The following DNAH8 variants were observed in gnomAD, a reference collection of about 807,000 sequenced individuals.
The protein encoded by DNAH8 is dynein axonemal heavy chain 8.
In DNAH8, 382 loss-of-function variants were observed where a neutral mutation model predicts 562.1. That is an observed-to-expected ratio of 0.68 (90% CI 0.63 to 0.74). DNAH8 has a LOEUF of 0.74. Ranked by LOEUF, DNAH8 falls within the 30% of genes least tolerant of loss-of-function variation. The pLI is 0.00. For synonymous variants in DNAH8, 1,881 were observed against 1,919.4 expected (o/e 0.98, Z 0.52); for missense variants, 5,203 against 5,620.4 (o/e 0.93, Z 2.37).
chr6:38,852,299 G>A (rs535086196), intron 39 of DNAH8, among the ~76,000 whole-genome samples: 4 of 152,214 alleles, frequency 2.6e-5, no homozygotes, highest in African/African-American at 9.6e-5. Flanking sequence ...TGGTTTCCAG[G>A]GACTTGTAAC....
At chr6:38,962,140 GT>G (rs1272231156) in intron 82 of DNAH8, among the ~76,000 whole-genome samples, 2 of 151,962 alleles carry the variant, frequency 1.3e-5, no homozygotes, top group African/African-American at 2.4e-5. Context: ...AGACATAAAA[GT>G]AGTTAGAATA....
chr6:38,718,766 C>T (rs971650121), intron 1 of DNAH8, among the ~76,000 whole-genome samples: 1 of 152,186 alleles, frequency 6.6e-6, no homozygotes, highest in Admixed American at 6.5e-5. Context: ...TGTATAAAAA[C>T]CACATTTATT....
At chr6:38,931,073 C>T (rs533467407) in intron 75 of DNAH8, among the ~76,000 whole-genome samples, 4 of 151,990 alleles carry the variant, frequency 2.6e-5, no homozygotes, top group Admixed American at 6.6e-5. Flanking sequence ...TCTCTATTCC[C>T]GAAGGTCTTT....
At chr6:38,717,627 AT>A (rs34952417) in intron 1 of DNAH8, among the ~76,000 whole-genome samples, 24,080 of 142,906 alleles carry the variant, frequency 0.17, 1,988 homozygotes, top group East Asian at 0.2. Flanking sequence ...TGTACACATG[AT>A]TTTTTTTTTT....
intron 31 of DNAH8, among the ~76,000 whole-genome samples, chr6:38,833,680 G>T (rs940495131): frequency 2.6e-5 from 4 of 152,108 alleles, no homozygotes; most frequent in Non-Finnish European, 4.4e-5. Flanking sequence ...CCAATAAAAT[G>T]TTTTCTTTGC....
intron 33 of DNAH8, among the ~76,000 whole-genome samples, chr6:38,841,946 C>T (rs1198168281): frequency 6.6e-6 from 1 of 152,022 alleles, no homozygotes; most frequent in Non-Finnish European, 1.5e-5. Context: ...CAGATCAGGG[C>T]TTAGTCAAGG....
chr6:38,768,612 G>A (rs1412751320), intron 11 of DNAH8, among the ~76,000 whole-genome samples: 1 of 151,570 alleles, frequency 6.6e-6, no homozygotes, highest in Non-Finnish European at 1.5e-5. Context: ...GTTTCTTCTT[G>A]AGTCAGTTTT....
chr6:39,015,663 A>C (rs549977396), intron 91 of DNAH8, among the ~76,000 whole-genome samples: 1 of 152,228 alleles, frequency 6.6e-6, no homozygotes, highest in Non-Finnish European at 1.5e-5. Flanking sequence ...TCATTCCTTC[A>C]TAAATTACCC....
intron 28 of DNAH8, among the ~76,000 whole-genome samples, 155 bp from the exon 29 acceptor site, chr6:38,826,001 C>A (rs1024299757): frequency 2.0e-5 from 3 of 152,002 alleles, no homozygotes; most frequent in Non-Finnish European, 4.4e-5. Context: ...AATCTAGTAA[C>A]CTTATAGCAC....
chr6:38,826,554 TA>T (rs1773338917), intron 29 of DNAH8, among the ~76,000 whole-genome samples, 163 bp downstream of exon 29: 1 of 152,216 alleles, frequency 6.6e-6, no homozygotes, highest in South Asian at 2.1e-4. Context: ...TTTTGGCAAT[TA>T]TCAACAGTGA....
intron 80 of DNAH8, among the ~76,000 whole-genome samples, chr6:38,947,944 C>T (rs1309653348): frequency 1.3e-5 from 2 of 152,060 alleles, no homozygotes; most frequent in Non-Finnish European, 2.9e-5. Flanking sequence ...GACGGAGTTC[C>T]ACCGTGTTGC....
At chr6:38,950,002 A>G (rs1037222091) in intron 81 of DNAH8, among the ~76,000 whole-genome samples, 6 of 152,156 alleles carry the variant, frequency 3.9e-5, no homozygotes, top group Admixed American at 3.3e-4. Context: ...TGCATTCGAG[A>G]AAAAAACCCA....
chr6:38,838,895 T>A (rs566069576), intron 33 of DNAH8, among the ~76,000 whole-genome samples: 5 of 152,200 alleles, frequency 3.3e-5, no homozygotes, highest in Non-Finnish European at 7.3e-5. Flanking sequence ...AATACAGTGA[T>A]AGTATTAGCT....
In DNAH8 at chr6:38,872,785, A is replaced by G. The variant is rs1255108150; in HGVS notation, c.7237+3A>G. On this transcript the variant is annotated splice_donor_region_variant and intron_variant, in intron 50 of 92. Coordinates refer to ENST00000327475, the MANE Select transcript of DNAH8 (RefSeq NM_001206927.2). ...AAAAACATTAAAAGCTAAAAAAGGT[A>G]TACACAAACCTCCTTTGTGATCATT... 2 of 1,614,034 alleles carry G rather than the reference A, an allele frequency of 1.2e-6. No homozygotes were observed. The highest frequency in any genetic ancestry group is 1.7e-6 in the Non-Finnish European group (2 of 1,179,948).
intron 88 of DNAH8, among the ~76,000 whole-genome samples, chr6:38,994,327 T>C (rs1764990287): frequency 6.6e-6 from 1 of 152,216 alleles, no homozygotes; most frequent in African/African-American, 2.4e-5. Context: ...TTATTTAGCG[T>C]TGCTTGTGAT....
At chr6:38,896,610 AAAAC>A (rs910197455) in intron 60 of DNAH8, among the ~76,000 whole-genome samples, 5 of 150,790 alleles carry the variant, frequency 3.3e-5, no homozygotes, top group Non-Finnish European at 7.4e-5. Flanking sequence ...AACAAACAAA[AAAAC>A]AAAAAAGAGA....
At chr6:38,722,709 G>C in intron 1 of DNAH8, 67 bp from the exon 2 acceptor site, 1 of 1,277,722 alleles carries the variant, frequency 7.8e-7, no homozygotes, top group Non-Finnish European at 1.1e-6. Flanking sequence ...TAGCTAAAAG[G>C]GGAGTAATAA....
intron 49 of DNAH8, 59 bp from the exon 50 acceptor site, chr6:38,872,477 A>G (rs1345223769): frequency 1.3e-6 from 2 of 1,553,472 alleles, no homozygotes; most frequent in African/African-American, 1.4e-5. Context: ...AGTAGCTACT[A>G]TGAATGTCAG....
chr6:38,938,203 G>A lies in DNAH8; in HGVS notation c.11793G>A (p.Lys3931=). The change falls in exon 78 of 93, where the codon AAG becomes AAA. Residue 3931 remains lysine, a synonymous_variant. Transcript: ENST00000327475. ...AGACGTCATTGGCCCAGTTCTTGAA[G>A]TTATTTGACCAGTCCATGGCCAGGT... is the stretch of plus-strand genomic sequence containing the variant. ...MYQTSLAQFL[K]LFDQSMARSE... 1 of 1,613,240 alleles carries A rather than the reference G, an allele frequency of 6.2e-7. No individual in the cohort carries two copies. The highest frequency in any genetic ancestry group is 8.5e-7 in the Non-Finnish European group (1 of 1,179,784).
Sources: allele counts gnomAD v4.1 joint callset (sites outside exome capture counted in the v4.1 genomes callset), GRCh38; gene constraint gnomAD v4.1.1; transcripts MANE v1.5; gene names NCBI Gene and HGNC (gene_info 2026-07-23, HGNC 2026-07-21).